Variants in CALM2 observed in about 807,000 individuals in gnomAD.
CALM2 encodes the protein calmodulin 2, also known as calmodulin-2.
Under a neutral mutation model 19.8 loss-of-function variants are expected in CALM2, and 2 were observed. The observed-to-expected ratio is 0.10, with a 90% confidence interval of 0.04 to 0.32. The LOEUF (loss-of-function observed/expected upper bound fraction) is 0.32. CALM2 is among the 10% of genes least tolerant of loss of function. The pLI, the probability that CALM2 is intolerant of heterozygous loss-of-function variation, is 1.00. For synonymous variants in CALM2, 51 were observed against 52.1 expected, an observed-to-expected ratio of 0.98 and a Z score of 0.09; for missense variants, 38 against 178.7, an observed-to-expected ratio of 0.21 and a Z score of 4.49.
chr2:47,175,086 T>TTTTTTTTG (rs1666806696), intron 1 of CALM2, among the ~76,000 whole-genome samples: 1 of 130,570 alleles, frequency 7.7e-6, no homozygotes, highest in Admixed American at 7.3e-5. Context: ...TAGGTGTTTT[T>TTTTTTTTG]TTTTTTTTTT....
At chr2:47,162,833 A>C in intron 2 of CALM2, 171 bp from the exon 3 acceptor site, 2 of 524,216 alleles carry the variant, frequency 3.8e-6, no homozygotes, top group Middle Eastern at 3.1e-4. Context: ...AAAACCCAAA[A>C]ACTTTTAACG....
At position 47,172,504 on chromosome 2, in the gene CALM2, G is replaced by C. The variant is rs75241553; in HGVS notation, c.4-1740C>G. On this transcript the variant is annotated intron_variant, in intron 1 of 5. Coordinates refer to ENST00000272298, the MANE Select transcript of CALM2 (RefSeq NM_001743.6). ...CCATTATTTCATATAAATTAACAAA[G>C]AACCTACAATGTTAAATATCAACCT... is the stretch of plus-strand genomic sequence containing the variant. 6.6e-6 allele frequency: 8 copies of C among 1,217,258 alleles called. No homozygotes were observed. In the African/African-American group the frequency reaches 1.1e-4, roughly 17 times the overall value. 75.4% of individuals were successfully genotyped at this position (1,217,258 alleles called of 1,614,324 possible).
intron 2 of CALM2, among the ~76,000 whole-genome samples, chr2:47,169,512 A>T (rs1429963836): frequency 6.6e-6 from 1 of 152,138 alleles, no homozygotes; most frequent in African/African-American, 2.4e-5. Flanking sequence ...AGTGTAACTC[A>T]ACAAAAAAAA....
chr2:47,166,694 TAC>T (rs1211712700), intron 2 of CALM2, among the ~76,000 whole-genome samples: 1 of 152,288 alleles, frequency 6.6e-6, no homozygotes, highest in East Asian at 1.9e-4. Context: ...CACCTGCCTT[TAC>T]AGTTTTCCTG....
intron 2 of CALM2, among the ~76,000 whole-genome samples, chr2:47,167,844 G>C (rs13025918): frequency 2.4e-5 from 2 of 81,704 alleles, no homozygotes; most frequent in Non-Finnish European, 4.1e-5. Context: ...GTGTTGCCCA[G>C]ACTGGTCTTG....
intron 1 of CALM2, among the ~76,000 whole-genome samples, chr2:47,175,916 G>T (rs1321711425): frequency 6.7e-6 from 1 of 149,968 alleles, no homozygotes; most frequent in Non-Finnish European, 1.5e-5. Flanking sequence ...GGCACGCGGA[G>T]GACGCGGGCT....
intron 5 of CALM2, 127 bp downstream of exon 5, chr2:47,161,596 A>T (rs1312452448): frequency 1.3e-6 from 1 of 768,714 alleles, no homozygotes; most frequent in East Asian, 2.7e-5. Context: ...AGAAGGTTAA[A>T]TGTAAGTAAC....
intron 1 of CALM2, 117 bp downstream of exon 1, chr2:47,176,324 C>T (rs527960622): frequency 3.1e-6 from 4 of 1,303,200 alleles, no homozygotes; most frequent in Non-Finnish European, 3.2e-6. Flanking sequence ...CGCGCCATCC[C>T]TCTGGCAGAA....
chr2:47,166,624 A>G (rs887053650), intron 2 of CALM2, among the ~76,000 whole-genome samples: 1 of 152,230 alleles, frequency 6.6e-6, no homozygotes, highest in African/African-American at 2.4e-5. Context: ...TTTTTATACT[A>G]AAGAGTAAAA....
intron 2 of CALM2, among the ~76,000 whole-genome samples, chr2:47,167,850 T>C (rs1666539413): frequency 7.6e-6 from 1 of 131,280 alleles, no homozygotes; most frequent in African/African-American, 3.0e-5. Context: ...CCCAGACTGG[T>C]CTTGAACTCC....
intron 1 of CALM2, chr2:47,171,335 G>A (rs1666660470): frequency 6.6e-6 from 1 of 152,320 alleles, no homozygotes; most frequent in South Asian, 2.1e-4. Context: ...TAAGCCCAAG[G>A]CTTGTGATGT....
chr2:47,162,985 T>C (rs1186931617), intron 2 of CALM2: 1 of 177,688 alleles, frequency 5.6e-6, no homozygotes, highest in Non-Finnish European at 1.2e-5. Flanking sequence ...CTAAGTAAAA[T>C]TATCCTAGGT....
upstream of CALM2, chr2:47,176,618 C>T (rs1231551573): frequency 2.6e-6 from 4 of 1,521,844 alleles, no homozygotes; most frequent in Admixed American, 2.0e-5. Flanking sequence ...CCAACCCCCT[C>T]CCCTCAAACT....
upstream of CALM2, chr2:47,176,743 G>T (rs2103859823): frequency 2.9e-6 from 4 of 1,372,060 alleles, no homozygotes; most frequent in Middle Eastern, 8.3e-4. Context: ...TAAAAGGCCG[G>T]TGGAGCGGCC....
chr2:47,175,317 T>C (rs1352148869), intron 1 of CALM2, among the ~76,000 whole-genome samples: 1 of 152,094 alleles, frequency 6.6e-6, no homozygotes, highest in African/African-American at 2.4e-5. Flanking sequence ...TCGTGGTTCT[T>C]GAACATTAGG....
At chr2:47,176,808 C>T, upstream of CALM2, 4 of 985,452 alleles carry the variant, frequency 4.1e-6, no homozygotes, top group South Asian at 4.7e-5. Context: ...GATGCGTCCC[C>T]CGTTGGTCGT....
upstream of CALM2, chr2:47,176,526 G>C: frequency 6.3e-7 from 1 of 1,586,562 alleles, no homozygotes; most frequent in African/African-American, 1.4e-5. Context: ...CGCCTCCTCC[G>C]CCCCCAGCGC....
At chr2:47,161,223 G>C (rs943377964) in intron 5 of CALM2, among the ~76,000 whole-genome samples, 9 of 152,124 alleles carry the variant, frequency 5.9e-5, no homozygotes, top group Non-Finnish European at 8.8e-5. Context: ...AAATCCTTCA[G>C]TTTCATATGC....
intron 1 of CALM2, among the ~76,000 whole-genome samples, chr2:47,174,544 T>C (rs2103853519): frequency 6.6e-6 from 1 of 152,266 alleles, no homozygotes; most frequent in Admixed American, 6.5e-5. Flanking sequence ...ATTAAGATTT[T>C]TTTTTTCGAC....
Sources: gnomAD v4.1 joint callset for allele counts (sites outside exome capture counted in the v4.1 genomes callset) on GRCh38, gnomAD v4.1.1 for gene constraint, MANE v1.5 for transcripts, NCBI Gene and HGNC (gene_info 2026-07-23, HGNC 2026-07-21) for gene names.